Variants in CNTNAP5 observed in about 807,000 individuals in gnomAD.
CNTNAP5 encodes contactin associated protein family member 5.
In CNTNAP5, 72 loss-of-function variants were observed where a neutral mutation model predicts 150.2. The ratio of observed to expected loss-of-function variants is 0.48; its 90% CI spans 0.40 to 0.58. CNTNAP5 has a LOEUF of 0.58. Among genes scored for constraint, CNTNAP5 ranks in the 20% least tolerant of loss-of-function variants. The probability of loss-of-function intolerance (pLI) is 0.00; values close to 1 mark genes in which losing one functional copy is unlikely to be tolerated. For missense variants in CNTNAP5, 1,636 were observed against 1,626.2 expected, an observed-to-expected ratio of 1.01 and a Z score of -0.10; for synonymous variants, 672 against 619.8, an observed-to-expected ratio of 1.08 and a Z score of -1.25.
chr2:124,836,361 A>G (rs1682829107), intron 19 of CNTNAP5, among the ~76,000 whole-genome samples: 1 of 152,178 alleles, frequency 6.6e-6, no homozygotes, highest in Non-Finnish European at 1.5e-5. Flanking sequence ...CTAAAAATAT[A>G]AGTGGTCTCT....
At chr2:124,597,474 A>T (rs1037379761) in intron 11 of CNTNAP5, among the ~76,000 whole-genome samples, 21 of 148,144 alleles carry the variant, frequency 1.4e-4, no homozygotes, top group Middle Eastern at 3.5e-3. Context: ...ATTGGCCCCC[A>T]CTCTCTTCTG....
Position 124,230,792 on chromosome 2 carries a change from A to G in CNTNAP5, c.187+8983A>G, listed in dbSNP as rs572527710. On this transcript the variant is annotated intron_variant, in intron 2 of 23. Transcript: ENST00000682447. The stretch of plus-strand genomic sequence containing the variant: ...GGTGATCCACCTGCCCTGGCCTCCC[A>G]AAGTGCTGATATTACAGGCGTGAGC... 2.0e-5 allele frequency among the ~76,000 whole-genome samples: 3 copies of G among 152,184 alleles called. No individual in the cohort carries two copies. In the South Asian group the frequency reaches 6.2e-4, roughly 32 times the overall value.
At chr2:124,056,478 G>A (rs57053606) in intron 1 of CNTNAP5, among the ~76,000 whole-genome samples, 2 of 148,116 alleles carry the variant, frequency 1.4e-5, no homozygotes, top group African/African-American at 2.5e-5. Context: ...CAAAAAAAAA[G>A]AAAAAAAGAA....
At chr2:124,742,468 G>A (rs1680515525) in intron 13 of CNTNAP5, among the ~76,000 whole-genome samples, 1 of 152,206 alleles carries the variant, frequency 6.6e-6, no homozygotes, top group African/African-American at 2.4e-5. Flanking sequence ...GAAGGTTCCA[G>A]CACTCAATGC....
chr2:124,062,918 A>G (rs1380312165), intron 1 of CNTNAP5, among the ~76,000 whole-genome samples: 1 of 152,138 alleles, frequency 6.6e-6, no homozygotes, highest in Non-Finnish European at 1.5e-5. Flanking sequence ...TCGGTAGTAG[A>G]GTCTGGGAGA....
At chr2:124,446,643 T>TA (rs1692823548) in intron 5 of CNTNAP5, 110 bp from the exon 6 acceptor site, 3 of 1,022,528 alleles carry the variant, frequency 2.9e-6, no homozygotes, top group African/African-American at 1.6e-5. Flanking sequence ...TAGGGAGACA[T>TA]CATTCTTTGC....
At chr2:124,824,435 G>T (rs1302585375) in intron 19 of CNTNAP5, among the ~76,000 whole-genome samples, 2 of 152,172 alleles carry the variant, frequency 1.3e-5, no homozygotes, top group Non-Finnish European at 2.9e-5. Context: ...AATCTGTGAT[G>T]AAACAGTTCA....
chr2:124,744,733 G>A (rs906363275), intron 13 of CNTNAP5, among the ~76,000 whole-genome samples: 4 of 152,050 alleles, frequency 2.6e-5, no homozygotes, highest in African/African-American at 9.7e-5. Context: ...TTCTGCAATG[G>A]CCAAAATTTA....
At chr2:124,438,907 C>T (rs1692607356) in intron 5 of CNTNAP5, among the ~76,000 whole-genome samples, 1 of 152,130 alleles carries the variant, frequency 6.6e-6, no homozygotes, top group Admixed American at 6.6e-5. Context: ...AGATGAAGAA[C>T]TGCTGGTCAG....
At chr2:124,186,983 A>G (rs901745497) in intron 1 of CNTNAP5, among the ~76,000 whole-genome samples, 1 of 152,206 alleles carries the variant, frequency 6.6e-6, no homozygotes, top group Non-Finnish European at 1.5e-5. Flanking sequence ...TTGGAAGAGG[A>G]GGAAATGCGA....
At chr2:124,591,459 C>G (rs1179025904) in intron 11 of CNTNAP5, among the ~76,000 whole-genome samples, 1 of 152,048 alleles carries the variant, frequency 6.6e-6, no homozygotes, top group African/African-American at 2.4e-5. Flanking sequence ...CAAGAGAGAT[C>G]AAAATGCTAA....
intron 6 of CNTNAP5, among the ~76,000 whole-genome samples, chr2:124,468,851 C>T (rs1693440205): frequency 6.6e-6 from 1 of 152,170 alleles, no homozygotes; most frequent in Non-Finnish European, 1.5e-5. Context: ...GTGACCAGGT[C>T]ACTGTGGAAC....
intron 3 of CNTNAP5, among the ~76,000 whole-genome samples, chr2:124,401,579 C>A (rs901009202): frequency 1.6e-4 from 25 of 152,252 alleles, no homozygotes; most frequent in Admixed American, 1.6e-3. Context: ...GGCAGAGGCC[C>A]AATGGTGATT....
intron 1 of CNTNAP5, among the ~76,000 whole-genome samples, chr2:124,119,985 A>G (rs78890702): frequency 0.037 from 5,575 of 152,248 alleles, 165 homozygotes; most frequent in South Asian, 0.063. Flanking sequence ...ACTGGGTTCC[A>G]CCTCAGAGTA....
chr2:124,397,908 G>A (rs1361951948), intron 3 of CNTNAP5, among the ~76,000 whole-genome samples: 1 of 152,164 alleles, frequency 6.6e-6, no homozygotes, highest in Non-Finnish European at 1.5e-5. Context: ...AGAGCCACCA[G>A]CAAAACATTG....
At chr2:124,067,822 C>A (rs1439139) in intron 1 of CNTNAP5, among the ~76,000 whole-genome samples, 42,361 of 151,936 alleles carry the variant, frequency 0.28, 6,296 homozygotes, top group Admixed American at 0.36. Flanking sequence ...CTTGTATTTT[C>A]CATAGTTAGA....
At chr2:124,683,006 T>G (rs1172889453) in intron 13 of CNTNAP5, among the ~76,000 whole-genome samples, 1 of 152,234 alleles carries the variant, frequency 6.6e-6, no homozygotes, top group East Asian at 1.9e-4. Context: ...TTTTTAGGTT[T>G]GTGTTGTTGC....
chr2:124,818,776 G>C (rs765476826), intron 19 of CNTNAP5, among the ~76,000 whole-genome samples: 3 of 152,070 alleles, frequency 2.0e-5, no homozygotes, highest in Non-Finnish European at 2.9e-5. Context: ...CAGCATGAGA[G>C]ACCAACTGCA....
intron 7 of CNTNAP5, among the ~76,000 whole-genome samples, chr2:124,498,427 T>A (rs1427178327): frequency 6.6e-6 from 1 of 152,086 alleles, no homozygotes; most frequent in Non-Finnish European, 1.5e-5. Context: ...AGTCAATTGG[T>A]TATTATACTC....
Sources: gnomAD v4.1 joint callset for allele counts (sites outside exome capture counted in the v4.1 genomes callset) on GRCh38, gnomAD v4.1.1 for gene constraint, MANE v1.5 for transcripts, NCBI Gene and HGNC (gene_info 2026-07-23, HGNC 2026-07-21) for gene names.